The following SUSD4 variants were observed in gnomAD, a reference collection of about 807,000 sequenced individuals.
The protein encoded by SUSD4 is sushi domain containing 4, also known as sushi domain-containing protein 4.
In SUSD4, 41 loss-of-function variants were observed where a neutral mutation model predicts 50.5. That is an observed-to-expected ratio of 0.81 (90% CI 0.63 to 1.05). SUSD4 has a LOEUF of 1.05. Among genes scored for constraint, SUSD4 ranks in the 50% least tolerant of loss-of-function variants. The pLI is 0.00. For synonymous variants in SUSD4, 257 were observed against 257.3 expected (o/e 1.00, Z 0.01); for missense variants, 580 against 634.7 (o/e 0.91, Z 0.93).
intron 2 of SUSD4, among the ~76,000 whole-genome samples, chr1:223,350,145 A>G (rs1341284): frequency 0.86 from 131,293 of 152,180 alleles, 56,725 homozygotes; most frequent in Non-Finnish European, 0.88. Flanking sequence ...CTCCAGAACT[A>G]TGACAAAATT....
intron 5 of SUSD4, among the ~76,000 whole-genome samples, chr1:223,261,960 G>A (rs1270387492): frequency 6.6e-6 from 1 of 152,184 alleles, no homozygotes; most frequent in Non-Finnish European, 1.5e-5. Flanking sequence ...GCTGATAGAG[G>A]CTATGTGACT....
chr1:223,311,052 T>C (rs1333725668), intron 2 of SUSD4, among the ~76,000 whole-genome samples: 1 of 152,236 alleles, frequency 6.6e-6, no homozygotes, highest in Non-Finnish European at 1.5e-5. Context: ...AGGTGTGCTT[T>C]ATAGCTCTCC....
intron 2 of SUSD4, among the ~76,000 whole-genome samples, chr1:223,362,419 C>T (rs1669036592): frequency 6.6e-6 from 1 of 152,188 alleles, no homozygotes; most frequent in Admixed American, 6.5e-5. Context: ...CTCTAGAGAA[C>T]GTTTGCAATG....
At chr1:223,244,331 G>A (rs1197803226) in intron 5 of SUSD4, among the ~76,000 whole-genome samples, 1 of 152,194 alleles carries the variant, frequency 6.6e-6, no homozygotes, top group Non-Finnish European at 1.5e-5. Context: ...GGGCCAGAGA[G>A]AACAGCTGCC....
intron 2 of SUSD4, among the ~76,000 whole-genome samples, chr1:223,310,719 C>T (rs887105692): frequency 6.6e-6 from 1 of 152,122 alleles, no homozygotes; most frequent in South Asian, 2.1e-4. Context: ...AATGAACATT[C>T]ATAATCAAGA....
chr1:223,326,202 G>A (rs961488399), intron 2 of SUSD4, among the ~76,000 whole-genome samples: 10 of 151,974 alleles, frequency 6.6e-5, no homozygotes, highest in Admixed American at 2.6e-4. Flanking sequence ...AGCCAAATAC[G>A]TACAGCCAAC....
At chr1:223,326,387 A>T (rs1666877644) in intron 2 of SUSD4, among the ~76,000 whole-genome samples, 1 of 152,228 alleles carries the variant, frequency 6.6e-6, no homozygotes, top group Admixed American at 6.5e-5. Flanking sequence ...TGAAACCATA[A>T]AAATTCTAGA....
At chr1:223,284,995 T>C (rs1430018628) in intron 3 of SUSD4, among the ~76,000 whole-genome samples, 1 of 152,060 alleles carries the variant, frequency 6.6e-6, no homozygotes. Flanking sequence ...GAGTTTCAAA[T>C]CATAAGAAGG....
chr1:223,244,185 A>C (rs1660770453), intron 5 of SUSD4, among the ~76,000 whole-genome samples: 5 of 152,216 alleles, frequency 3.3e-5, no homozygotes, highest in Admixed American at 3.3e-4. Context: ...CACCTGGACC[A>C]AAAGGAGGTA....
At chr1:223,297,028 G>A (rs1183626927) in intron 2 of SUSD4, among the ~76,000 whole-genome samples, 1 of 152,228 alleles carries the variant, frequency 6.6e-6, no homozygotes, top group African/African-American at 2.4e-5. Flanking sequence ...GACCTGACCA[G>A]TGTCCCCAAA....
intron 5 of SUSD4, among the ~76,000 whole-genome samples, chr1:223,240,218 TG>T (rs1660488105): frequency 4.6e-5 from 7 of 151,922 alleles, no homozygotes; most frequent in African/African-American, 1.7e-4. Flanking sequence ...TTTTTATTTT[TG>T]ATTTTTCTGT....
chr1:223,254,772 G>A (rs767496594), intron 5 of SUSD4, among the ~76,000 whole-genome samples: 3 of 152,208 alleles, frequency 2.0e-5, no homozygotes, highest in Non-Finnish European at 2.9e-5. Context: ...ACCAAGAAGA[G>A]GAGGAAGCTA....
intron 7 of SUSD4, among the ~76,000 whole-genome samples, chr1:223,226,605 G>C (rs191965712): frequency 1.3e-5 from 2 of 152,310 alleles, no homozygotes; most frequent in East Asian, 3.9e-4. Context: ...TTTCCTGAAG[G>C]GAAGAGAGAA....
chr1:223,282,715 T>C (rs1322366502), intron 3 of SUSD4, among the ~76,000 whole-genome samples: 1 of 152,226 alleles, frequency 6.6e-6, no homozygotes, highest in Non-Finnish European at 1.5e-5. Context: ...CCAATGACTT[T>C]CTTCACAGAA....
chr1:223,269,637 T>C (rs1343648174), intron 3 of SUSD4, among the ~76,000 whole-genome samples: 1 of 152,248 alleles, frequency 6.6e-6, no homozygotes, highest in East Asian at 1.9e-4. Flanking sequence ...TGGTTTTATA[T>C]GCATACGTGT....
At chr1:223,275,546 T>C (rs1663198569) in intron 3 of SUSD4, among the ~76,000 whole-genome samples, 1 of 152,202 alleles carries the variant, frequency 6.6e-6, no homozygotes, top group Admixed American at 6.5e-5. Flanking sequence ...CTACCCCATG[T>C]CTCATGCTCT....
chr1:223,230,017 A>T (rs538895963), intron 5 of SUSD4, among the ~76,000 whole-genome samples: 2 of 152,312 alleles, frequency 1.3e-5, no homozygotes, highest in East Asian at 3.9e-4. Flanking sequence ...CCTTAAGCAG[A>T]TCCCTTAACC....
chr1:223,284,345 C>T (rs894312845), intron 3 of SUSD4, among the ~76,000 whole-genome samples: 9 of 152,194 alleles, frequency 5.9e-5, no homozygotes, highest in Admixed American at 5.2e-4. Context: ...TCCCTCCCTT[C>T]TCCTTGCCTG....
At chr1:223,307,987 G>T (rs1008814666) in intron 2 of SUSD4, among the ~76,000 whole-genome samples, 3 of 152,094 alleles carry the variant, frequency 2.0e-5, no homozygotes, top group African/African-American at 7.2e-5. Flanking sequence ...TCAGTTATTC[G>T]GATTTGTGCC....
Sources: allele counts gnomAD v4.1 joint callset (sites outside exome capture counted in the v4.1 genomes callset), GRCh38; gene constraint gnomAD v4.1.1; transcripts MANE v1.5; gene names NCBI Gene and HGNC (gene_info 2026-07-23, HGNC 2026-07-21).